The following OR2Z1 variants were observed in gnomAD, a reference collection of about 807,000 sequenced individuals.
OR2Z1 encodes the protein olfactory receptor 2Z1.
For synonymous variants in OR2Z1, 188 were observed against 160.6 expected (o/e 1.17, Z -1.29); for missense variants, 449 against 401.8 (o/e 1.12, Z -1.00).
At chr19:8,722,732 A>G (rs2043312133) in intron 1 of OR2Z1, among the ~76,000 whole-genome samples, 1 of 152,190 alleles carries the variant, frequency 6.6e-6, no homozygotes, top group Non-Finnish European at 1.5e-5. Context: ...ACAGTGTGCC[A>G]AAAGCTCAGG....
At position 8,730,884 on chromosome 19, in the gene OR2Z1, A is replaced by G. The variant is rs535898325; in HGVS notation, c.-145A>G. 568 of 637,176 alleles carry G rather than the reference A, an allele frequency of 8.9e-4. No homozygotes were observed. The highest frequency in any genetic ancestry group is 1.4e-3 in the Non-Finnish European group (516 of 363,884). 39.5% of individuals were successfully genotyped at this position (637,176 alleles called of 1,614,324 possible). A position where few individuals can be genotyped will look rare whatever the true frequency, so the allele number is the denominator to read the frequency against. On this transcript the variant is annotated 5_prime_UTR_variant, in exon 3 of 3. Transcript: ENST00000641125. ...GCCTACTGATTCTAGCTGCAGCCTC[A>G]TTACTCTTCTCAAGACACCATCCCA...
Position 8,731,951 on chromosome 19 carries a change from C to T in OR2Z1, c.923C>T (p.Ala308Val). The T allele has an allele frequency of 6.2e-7, 1 of 1,613,632 alleles. No individual in the cohort carries two copies. The highest frequency in any genetic ancestry group is 1.3e-5 in the African/African-American group (1 of 75,056). ...WMALVKVLSR[A>V]GLRQMC ...GCTTTGGTCAAAGTGCTTAGCAGAGCTGGACTCAGGCAAATGTGCTGACTA... is the reference window on the plus strand; with the variant it reads ...GCTTTGGTCAAAGTGCTTAGCAGAGTTGGACTCAGGCAAATGTGCTGACTA... The change falls in exon 3 of 3, where the codon GCT becomes GTT. Residue 308 changes from alanine to valine, a missense_variant. Coordinates refer to ENST00000641125, the MANE Select transcript of OR2Z1 (RefSeq NM_001004699.3).
Position 8,731,225 on chromosome 19 carries a change from T to G in OR2Z1, c.197T>G (p.Leu66Arg). 6.2e-7 allele frequency: 1 copy of G among 1,614,086 alleles called. No homozygotes were observed. Among genetic ancestry groups the G allele is most frequent in the African/African-American group, 1.3e-5 (1 of 74,988 alleles). ...CCCATGTACTTCCTGCTCAGCCAGC[T>G]CTCCCTGTTTGACATTGGCTGTCCC... is the stretch of plus-strand genomic sequence containing the variant. ...HTPMYFLLSQ[L>R]SLFDIGCPMV... The change falls in exon 3 of 3, where the codon CTC becomes CGC. Residue 66 changes from leucine (L) to arginine (R), a missense_variant. Leu to Arg is a moderately radical substitution (Grantham distance 102). Transcript: ENST00000641125.
intron 2 of OR2Z1, among the ~76,000 whole-genome samples, chr19:8,729,773 A>T (rs533414174): frequency 2.0e-5 from 3 of 152,030 alleles, no homozygotes; most frequent in African/African-American, 7.2e-5. Flanking sequence ...TATTTTTAGT[A>T]GAGATGGGGT....
intron 1 of OR2Z1, among the ~76,000 whole-genome samples, chr19:8,722,626 C>T (rs556283401): frequency 6.6e-6 from 1 of 152,262 alleles, no homozygotes; most frequent in Non-Finnish European, 1.5e-5. Context: ...TAAGTCATGG[C>T]TACTTTTTCC....
chr19:8,725,677 C>T (rs2043324352), intron 2 of OR2Z1, among the ~76,000 whole-genome samples: 1 of 152,232 alleles, frequency 6.6e-6, no homozygotes, highest in Non-Finnish European at 1.5e-5. Context: ...TAACATCCAC[C>T]TTCCAGTAGT....
At chr19:8,724,442 C>T (rs549302720) in intron 2 of OR2Z1, among the ~76,000 whole-genome samples, 3 of 152,168 alleles carry the variant, frequency 2.0e-5, no homozygotes, top group South Asian at 4.2e-4. Context: ...TGCCATGTTG[C>T]TCAGGCTAGT....
At chr19:8,729,419 T>C (rs1555756481) in intron 2 of OR2Z1, among the ~76,000 whole-genome samples, 1 of 151,490 alleles carries the variant, frequency 6.6e-6, no homozygotes, top group East Asian at 1.9e-4. Flanking sequence ...AGGTTTTTTT[T>C]TTTTTTTCTA....
intron 2 of OR2Z1, chr19:8,729,281 T>C: frequency 1.7e-6 from 1 of 572,880 alleles, no homozygotes; most frequent in Non-Finnish European, 3.1e-6. Context: ...TGTTCCCCTA[T>C]TTATATTCCT....
chr19:8,730,981 G>A lies in OR2Z1; in HGVS notation c.-48G>A, dbSNP rs2043350019. On this transcript the variant is annotated 5_prime_UTR_variant, in exon 3 of 3. Transcript: ENST00000641125. The stretch of plus-strand genomic sequence containing the variant: ...ATTTGCCACCCCATGCAGGCTTCTT[G>A]CCATAGTTCAGCTGTTCTTCCTGCA... 1 of 1,497,272 alleles carries A rather than the reference G, an allele frequency of 6.7e-7. No homozygotes were observed. Among genetic ancestry groups the A allele is most frequent in the African/African-American group, 1.4e-5 (1 of 72,392 alleles). 92.7% of individuals were successfully genotyped at this position (1,497,272 alleles called of 1,614,324 possible).
intron 2 of OR2Z1, among the ~76,000 whole-genome samples, chr19:8,730,639 C>G (rs1425810108): frequency 2.6e-5 from 4 of 152,074 alleles, no homozygotes; most frequent in Admixed American, 2.6e-4. Context: ...AGGCTGGTCT[C>G]GAACTCCTGA....
At chr19:8,728,093 C>T (rs2043335159) in intron 2 of OR2Z1, among the ~76,000 whole-genome samples, 1 of 152,330 alleles carries the variant, frequency 6.6e-6, no homozygotes, top group African/African-American at 2.4e-5. Context: ...CCACTCCTGT[C>T]CTCTTTGCTT....
chr19:8,723,979 TG>T (rs2043316980), intron 2 of OR2Z1, among the ~76,000 whole-genome samples: 4 of 106,922 alleles, frequency 3.7e-5, no homozygotes, highest in Non-Finnish European at 8.0e-5. Context: ...TGTGTGTGTG[TG>T]TGTGTGTGTG....
At chr19:8,726,923 C>G (rs1555756245) in intron 2 of OR2Z1, among the ~76,000 whole-genome samples, 1 of 152,028 alleles carries the variant, frequency 6.6e-6, no homozygotes, top group Non-Finnish European at 1.5e-5. Context: ...ACCCCATGCA[C>G]TCTTTTATTT....
chr19:8,728,723 G>C (rs1325933487), intron 2 of OR2Z1: 5 of 577,148 alleles, frequency 8.7e-6, no homozygotes, highest in African/African-American at 5.6e-5. Flanking sequence ...GAATTAGCCA[G>C]CTGGACTCAG....
chr19:8,729,532 T>A (rs2145080780), intron 2 of OR2Z1, among the ~76,000 whole-genome samples: 1 of 151,222 alleles, frequency 6.6e-6, no homozygotes, highest in African/African-American at 2.4e-5. Context: ...TGCCGTAGCC[T>A]CCCCAGTAGC....
intron 1 of OR2Z1, among the ~76,000 whole-genome samples, chr19:8,722,738 T>A (rs1325709194): frequency 1.3e-5 from 2 of 152,084 alleles, no homozygotes; most frequent in African/African-American, 4.8e-5. Flanking sequence ...TGCCAAAAGC[T>A]CAGGACATAA....
intron 2 of OR2Z1, among the ~76,000 whole-genome samples, chr19:8,723,397 C>T (rs1382217565): frequency 3.3e-5 from 5 of 152,076 alleles, no homozygotes; most frequent in Admixed American, 1.3e-4. Context: ...GAGTTTCATC[C>T]CCTGGGTACC....
rs782056620 is a variant in OR2Z1, at chr19:8,731,951, C to G, written c.923C>G (p.Ala308Gly). The G allele has an allele frequency of 4.3e-6, 7 of 1,613,514 alleles. No homozygotes were observed. Among genetic ancestry groups the G allele is most frequent in the African/African-American group, 1.3e-5 (1 of 74,934 alleles). The stretch of plus-strand genomic sequence containing the variant: ...GCTTTGGTCAAAGTGCTTAGCAGAG[C>G]TGGACTCAGGCAAATGTGCTGACTA... ...WMALVKVLSR[A>G]GLRQMC Residue 308 changes from alanine (A) to glycine (G), a missense_variant, in exon 3 of 3, where the codon GCT (alanine) becomes GGT (glycine). Ala to Gly is a moderately conservative substitution (Grantham distance 60). Coordinates refer to ENST00000641125, the MANE Select transcript of OR2Z1 (RefSeq NM_001004699.3).
Sources: gnomAD v4.1 joint callset for allele counts (sites outside exome capture counted in the v4.1 genomes callset) on GRCh38, gnomAD v4.1.1 for gene constraint, MANE v1.5 for transcripts, NCBI Gene and HGNC (gene_info 2026-07-23, HGNC 2026-07-21) for gene names.